NFASC: variants seen among roughly 807,000 people sequenced by gnomAD.
NFASC encodes the protein neurofascin homolog.
Under a neutral mutation model 147.5 loss-of-function variants are expected in NFASC, and 43 were observed. That is an observed-to-expected ratio of 0.29 (90% CI 0.23 to 0.38). The LOEUF (loss-of-function observed/expected upper bound fraction) is 0.38, where lower values mean the gene tolerates loss of function less well. Among genes scored for constraint, NFASC ranks in the 10% least tolerant of loss-of-function variants. The pLI, the probability that NFASC is intolerant of heterozygous loss-of-function variation, is 1.00. For synonymous variants in NFASC, 622 were observed against 665.5 expected (o/e 0.93, Z 1.01); for missense variants, 1,320 against 1,689.0 (o/e 0.78, Z 3.83).
intron 8 of NFASC, among the ~76,000 whole-genome samples, chr1:204,959,109 C>T (rs1355074539): frequency 2.7e-5 from 4 of 148,452 alleles, no homozygotes; most frequent in African/African-American, 7.5e-5. Flanking sequence ...TTCTTTTTCA[C>T]TTCCTTCTTT....
intron 5 of NFASC, among the ~76,000 whole-genome samples, chr1:204,953,365 T>C (rs901966871): frequency 2.6e-5 from 4 of 152,212 alleles, no homozygotes; most frequent in African/African-American, 9.6e-5. Flanking sequence ...GGTGCGATCT[T>C]GGCTCACTGC....
chr1:204,854,376 G>A (rs1016597211), intron 1 of NFASC, among the ~76,000 whole-genome samples: 2 of 152,116 alleles, frequency 1.3e-5, no homozygotes, highest in African/African-American at 4.8e-5. Flanking sequence ...CGGTTGCGTT[G>A]CCTTCCCCCA....
chr1:205,016,240 C>A lies in NFASC; in HGVS notation c.3492-68C>A. On this transcript the variant is annotated intron_variant, in intron 29 of 29. Coordinates refer to ENST00000339876, the MANE Select transcript of NFASC (RefSeq NM_001005388.3). This position sits in a 1 kb window ranked among gnomAD's most constrained non-coding sequence, Gnocchi z 5.1. Reference sequence around the variant, plus strand: ...CCCATCCTCTCTGAGCTGTGTAGGGCATGTGCTGGCAGGAGGCCAGCTGCC... The same window carrying A: ...CCCATCCTCTCTGAGCTGTGTAGGGAATGTGCTGGCAGGAGGCCAGCTGCC... 9.5e-7 allele frequency: 1 copy of A among 1,050,498 alleles called. No homozygotes were observed. Among genetic ancestry groups the A allele is most frequent in the Non-Finnish European group, 1.5e-6 (1 of 673,300 alleles). The allele number at this position is 1,050,498 out of a possible 1,614,324, so 65.1% of individuals were successfully genotyped here. A position where few individuals can be genotyped will look rare whatever the true frequency, so the allele number is the denominator to read the frequency against.
intron 1 of NFASC, among the ~76,000 whole-genome samples, chr1:204,872,814 G>A (rs1163121436): frequency 6.6e-6 from 1 of 152,200 alleles, no homozygotes. Flanking sequence ...GCTCTTCACT[G>A]AGAGCCTTCT....
At chr1:204,867,442 A>C (rs2077205657) in intron 1 of NFASC, among the ~76,000 whole-genome samples, 1 of 139,492 alleles carries the variant, frequency 7.2e-6, no homozygotes, top group South Asian at 2.2e-4. Flanking sequence ...CACACACACT[A>C]CACAATCCGT....
At chr1:204,973,595 G>GGAA (rs2095321770) in intron 12 of NFASC, among the ~76,000 whole-genome samples, 176 bp downstream of exon 12, 2 of 152,220 alleles carry the variant, frequency 1.3e-5, no homozygotes, top group Admixed American at 6.5e-5. Flanking sequence ...TGAGAGGGAT[G>GGAA]GAAGGGTCAA....
chr1:205,005,283 C>A (rs561143884), intron 27 of NFASC, among the ~76,000 whole-genome samples: 16 of 152,362 alleles, frequency 1.1e-4, no homozygotes, highest in African/African-American at 3.8e-4. Context: ...CTTCTGCAGA[C>A]TTTGAGTGAC....
At chr1:204,835,630 G>A (rs533077455) in intron 1 of NFASC, among the ~76,000 whole-genome samples, 40 of 152,276 alleles carry the variant, frequency 2.6e-4, no homozygotes, top group African/African-American at 9.6e-4. Context: ...GATTCATGAA[G>A]GTAAATGGCA....
intron 1 of NFASC, among the ~76,000 whole-genome samples, chr1:204,875,539 G>A (rs776086153): frequency 2.6e-5 from 4 of 152,196 alleles, no homozygotes; most frequent in Non-Finnish European, 4.4e-5. Flanking sequence ...CCTAAAAACA[G>A]TCTAGGAGGG....
At chr1:204,931,044 G>A (rs980053714) in intron 2 of NFASC, among the ~76,000 whole-genome samples, 2 of 152,022 alleles carry the variant, frequency 1.3e-5, no homozygotes, top group Non-Finnish European at 2.9e-5. Context: ...GCTAGGCCCA[G>A]GCAGGACACA....
chr1:204,854,535 G>C (rs4950968), intron 1 of NFASC, among the ~76,000 whole-genome samples: 1 of 152,032 alleles, frequency 6.6e-6, no homozygotes, highest in Non-Finnish European at 1.5e-5. Flanking sequence ...CCCTTTGGCT[G>C]CTGCCTCCTT....
intron 2 of NFASC, among the ~76,000 whole-genome samples, chr1:204,943,020 T>G (rs1306644201): frequency 6.6e-6 from 1 of 152,172 alleles, no homozygotes; most frequent in Non-Finnish European, 1.5e-5. Flanking sequence ...GCACCCTCAG[T>G]CAGGGTGGAT....
At chr1:204,949,206 C>T (rs546640361) in intron 3 of NFASC, among the ~76,000 whole-genome samples, 15 of 152,332 alleles carry the variant, frequency 9.8e-5, no homozygotes, top group South Asian at 4.1e-4. Context: ...ATAGCATGTA[C>T]GGCAGGGCCC....
chr1:204,999,864 CAG>C (rs2095936042), intron 25 of NFASC: 1 of 152,222 alleles, frequency 6.6e-6, no homozygotes, highest in Admixed American at 6.5e-5. Context: ...GAGTTGGTGA[CAG>C]TGCCCCCTTG....
At position 205,009,563 on chromosome 1, in the gene NFASC, C is replaced by CCAA; in HGVS notation, c.3301_3303dup (p.Asn1101dup). 2 of 1,614,136 alleles carry CCAA rather than the reference C, an allele frequency of 1.2e-6. No individual in the cohort carries two copies. The highest frequency in any genetic ancestry group is 1.7e-6 in the Non-Finnish European group (2 of 1,180,002). On this transcript the variant is annotated inframe_insertion, in exon 28 of 30. Transcript: ENST00000339876. ...TTCCGGCCCTCCCCGCCAGCTTACA[C>CCAA]CAACAACCAAGCGGACATCGCCACC...
At chr1:204,980,222 T>G in intron 19 of NFASC, 148 bp from the exon 20 acceptor site, 1 of 694,502 alleles carries the variant, frequency 1.4e-6, no homozygotes, top group South Asian at 1.6e-5. Flanking sequence ...CAGAGTAAGC[T>G]CATTTACATA....
At chr1:204,836,875 G>A (rs904140361) in intron 1 of NFASC, among the ~76,000 whole-genome samples, 6 of 152,226 alleles carry the variant, frequency 3.9e-5, no homozygotes, top group African/African-American at 9.6e-5. Flanking sequence ...ATATGCCCTC[G>A]TTTTGTTTTT....
intron 1 of NFASC, among the ~76,000 whole-genome samples, chr1:204,875,029 C>T (rs2078479601): frequency 1.3e-5 from 2 of 152,144 alleles, no homozygotes; most frequent in South Asian, 4.1e-4. Flanking sequence ...CCTAAGGTTA[C>T]ACAGCAATTA....
intron 1 of NFASC, among the ~76,000 whole-genome samples, chr1:204,863,246 C>T (rs992045299): frequency 5.9e-5 from 9 of 152,146 alleles, no homozygotes; most frequent in Non-Finnish European, 1.3e-4. Flanking sequence ...TAACTCACTC[C>T]GGAGTTTGAA....
Sources: gnomAD v4.1 joint callset for allele counts (sites outside exome capture counted in the v4.1 genomes callset) on GRCh38, gnomAD v4.1.1 for gene constraint, Gnocchi (gnomAD v3.1) non-coding constraint, MANE v1.5 for transcripts, NCBI Gene and HGNC (gene_info 2026-07-23, HGNC 2026-07-21) for gene names.